The following DLGAP1 variants were observed in gnomAD, a reference collection of about 807,000 sequenced individuals.
DLGAP1 encodes the protein DLG associated protein 1, also known as disks large-associated protein 1.
In DLGAP1, 11 loss-of-function variants were observed where a neutral mutation model predicts 90.8. The ratio of observed to expected loss-of-function variants is 0.12; its 90% CI spans 0.08 to 0.20. The LOEUF (loss-of-function observed/expected upper bound fraction) is 0.20, where lower values mean the gene tolerates loss of function less well. Among genes scored for constraint, DLGAP1 ranks in the 10% least tolerant of loss-of-function variants. The pLI, the probability that DLGAP1 is intolerant of heterozygous loss-of-function variation, is 1.00. For missense variants in DLGAP1, 1,050 were observed against 1,333.8 expected (o/e 0.79, Z 3.31); for synonymous variants, 558 against 540.7 (o/e 1.03, Z -0.44).
At chr18:4,419,971 T>C (rs2144672530) in intron 1 of DLGAP1, among the ~76,000 whole-genome samples, 1 of 152,222 alleles carries the variant, frequency 6.6e-6, no homozygotes, top group African/African-American at 2.4e-5. Flanking sequence ...GTCAAATAGA[T>C]ACAGACAGCT....
chr18:4,313,030 G>T (rs1272199368), intron 1 of DLGAP1, among the ~76,000 whole-genome samples: 2 of 152,140 alleles, frequency 1.3e-5, no homozygotes, highest in African/African-American at 2.4e-5. Context: ...AAGAGTAGCA[G>T]AAAGTGACCT....
At chr18:3,966,776 G>A (rs776949679) in intron 3 of DLGAP1, among the ~76,000 whole-genome samples, 2 of 152,154 alleles carry the variant, frequency 1.3e-5, no homozygotes, top group African/African-American at 4.8e-5. Flanking sequence ...TGGAGAGGCC[G>A]AGTTGGCAGC....
chr18:3,584,976 C>A (rs1054866119), intron 7 of DLGAP1, among the ~76,000 whole-genome samples: 3 of 152,124 alleles, frequency 2.0e-5, no homozygotes, highest in Non-Finnish European at 4.4e-5. Flanking sequence ...TGGTCTTGAA[C>A]CCCTGGCTTC....
At chr18:4,303,119 C>T (rs903512777) in intron 1 of DLGAP1, among the ~76,000 whole-genome samples, 6 of 152,066 alleles carry the variant, frequency 3.9e-5, no homozygotes, top group African/African-American at 1.4e-4. Context: ...CACATAGAGG[C>T]CACTAAAACA....
intron 1 of DLGAP1, among the ~76,000 whole-genome samples, chr18:4,187,524 G>A (rs2077319072): frequency 6.6e-6 from 1 of 152,064 alleles, no homozygotes. Flanking sequence ...TCAATTCTTA[G>A]TACATTAATA....
At chr18:4,058,038 A>G (rs574763662) in intron 2 of DLGAP1, among the ~76,000 whole-genome samples, 5 of 152,294 alleles carry the variant, frequency 3.3e-5, no homozygotes, top group African/African-American at 1.2e-4. Context: ...TGAGGCACTT[A>G]TGGCCCTCTG....
chr18:4,002,040 T>TGGA (rs10628443), intron 3 of DLGAP1, among the ~76,000 whole-genome samples: 133,078 of 151,944 alleles, frequency 0.88, 58,625 homozygotes, highest in African/African-American at 0.95. Context: ...CACACATATT[T>TGGA]GGTTTATAGG....
At chr18:4,205,332 G>A (rs919551798) in intron 1 of DLGAP1, among the ~76,000 whole-genome samples, 2 of 152,150 alleles carry the variant, frequency 1.3e-5, no homozygotes, top group African/African-American at 4.8e-5. Context: ...TGTGTCTACG[G>A]CATATGGCAC....
At chr18:4,310,000 CCAGGCTAG>C (rs2080357702) in intron 1 of DLGAP1, among the ~76,000 whole-genome samples, 1 of 152,176 alleles carries the variant, frequency 6.6e-6, no homozygotes, top group Admixed American at 6.5e-5. Flanking sequence ...TTTTCCCACT[CCAGGCTAG>C]ACTTGAGGAC....
At chr18:4,320,117 TC>T (rs1289577338) in intron 1 of DLGAP1, among the ~76,000 whole-genome samples, 1 of 152,138 alleles carries the variant, frequency 6.6e-6, no homozygotes, top group Non-Finnish European at 1.5e-5. Context: ...TAGGGGCATT[TC>T]CCCCTAAACA....
intron 1 of DLGAP1, among the ~76,000 whole-genome samples, chr18:4,199,197 C>A (rs1346235162): frequency 2.0e-5 from 3 of 152,238 alleles, no homozygotes; most frequent in Non-Finnish European, 4.4e-5. Flanking sequence ...CTGATCCTGC[C>A]TGGACCTTCT....
At chr18:3,876,691 C>T (rs976591545) in intron 4 of DLGAP1, among the ~76,000 whole-genome samples, 6 of 152,054 alleles carry the variant, frequency 3.9e-5, no homozygotes, top group Admixed American at 2.0e-4. Context: ...TTCTGTATGA[C>T]GGGTGATGTA....
chr18:4,405,229 T>G (rs1465305590), intron 1 of DLGAP1, among the ~76,000 whole-genome samples: 1 of 152,202 alleles, frequency 6.6e-6, no homozygotes. Context: ...GGAGTATTAA[T>G]GCCATAGGTA....
At chr18:3,747,365 C>G (rs1219756160) in intron 5 of DLGAP1, among the ~76,000 whole-genome samples, 1 of 152,120 alleles carries the variant, frequency 6.6e-6, no homozygotes, top group Non-Finnish European at 1.5e-5. Context: ...AAAATTTCAA[C>G]CAACAAACAA....
intron 8 of DLGAP1, among the ~76,000 whole-genome samples, chr18:3,578,999 T>A (rs2145335829): frequency 6.6e-6 from 1 of 152,280 alleles, no homozygotes; most frequent in Admixed American, 6.5e-5. Flanking sequence ...TTCTCCCCAA[T>A]GGTATACGTG....
At chr18:4,037,634 T>C (rs2074910344) in intron 2 of DLGAP1, among the ~76,000 whole-genome samples, 1 of 152,184 alleles carries the variant, frequency 6.6e-6, no homozygotes, top group African/African-American at 2.4e-5. Context: ...AAACTCTGGA[T>C]AGAACTTTTT....
At chr18:4,024,729 C>T (rs1305899781) in intron 2 of DLGAP1, among the ~76,000 whole-genome samples, 1 of 152,172 alleles carries the variant, frequency 6.6e-6, no homozygotes, top group Non-Finnish European at 1.5e-5. Context: ...TAATGACACC[C>T]TTTGCCTTTA....
At chr18:4,049,141 T>C (rs2075096255) in intron 2 of DLGAP1, among the ~76,000 whole-genome samples, 1 of 151,050 alleles carries the variant, frequency 6.6e-6, no homozygotes, top group Non-Finnish European at 1.5e-5. Context: ...GCAGGAGAAT[T>C]GCTTGAACCC....
chr18:4,410,021 T>A (rs376088589), intron 1 of DLGAP1, among the ~76,000 whole-genome samples: 2 of 152,256 alleles, frequency 1.3e-5, no homozygotes, highest in East Asian at 3.9e-4. Flanking sequence ...CTGGAAGAGA[T>A]CGGAGACTAT....
Sources: allele counts gnomAD v4.1 joint callset (sites outside exome capture counted in the v4.1 genomes callset), GRCh38; gene constraint gnomAD v4.1.1; transcripts MANE v1.5; gene names NCBI Gene and HGNC (gene_info 2026-07-23, HGNC 2026-07-21).